Variants in CCSER1 observed in about 807,000 individuals in gnomAD.
CCSER1 encodes coiled-coil serine rich protein 1.
Under a neutral mutation model 82.0 loss-of-function variants are expected in CCSER1, and 41 were observed. The ratio of observed to expected loss-of-function variants is 0.50; its 90% CI spans 0.39 to 0.65. The LOEUF is 0.65. Ranked by LOEUF, CCSER1 falls within the 30% of genes least tolerant of loss-of-function variation. The probability of loss-of-function intolerance (pLI) is 0.00; values close to 1 mark genes in which losing one functional copy is unlikely to be tolerated. For missense variants in CCSER1, 1,119 were observed against 1,064.2 expected (o/e 1.05, Z -0.72); for synonymous variants, 414 against 383.9 (o/e 1.08, Z -0.92).
chr4:90,741,812 A>T (rs1308188609), intron 7 of CCSER1, among the ~76,000 whole-genome samples: 1 of 152,246 alleles, frequency 6.6e-6, no homozygotes, highest in Non-Finnish European at 1.5e-5. Context: ...GACCGTGAAT[A>T]TGAGAAGCTA....
intron 10 of CCSER1, among the ~76,000 whole-genome samples, chr4:91,241,356 T>C (rs1403843701): frequency 6.8e-6 from 1 of 146,522 alleles, no homozygotes; most frequent in Non-Finnish European, 1.5e-5. Context: ...GACGGAGTCT[T>C]GCTCTGTCGC....
chr4:90,711,849 A>C (rs1740669564), intron 6 of CCSER1, among the ~76,000 whole-genome samples: 1 of 151,846 alleles, frequency 6.6e-6, no homozygotes. Context: ...CATAGAATGA[A>C]CTAGGGAGAA....
intron 10 of CCSER1, among the ~76,000 whole-genome samples, chr4:91,249,931 A>C (rs1581842358): frequency 6.8e-6 from 1 of 147,974 alleles, no homozygotes; most frequent in South Asian, 2.1e-4. Context: ...GGGAAAGAAA[A>C]GATTGTAGTC....
chr4:91,346,223 GCCAGGATGGTCTCGA>G (rs1748047450), intron 10 of CCSER1, among the ~76,000 whole-genome samples: 1 of 151,994 alleles, frequency 6.6e-6, no homozygotes, highest in Non-Finnish European at 1.5e-5. Context: ...CACCATGTTG[GCCAGGATGGTCTCGA>G]CCTCTTGACC....
chr4:90,832,722 G>A (rs555311562), intron 8 of CCSER1, among the ~76,000 whole-genome samples: 6 of 152,116 alleles, frequency 3.9e-5, no homozygotes, highest in Non-Finnish European at 8.8e-5. Flanking sequence ...ATGCTGACAA[G>A]GCCAGTCTTT....
chr4:90,498,212 A>G (rs1769320172), intron 5 of CCSER1, among the ~76,000 whole-genome samples: 1 of 152,164 alleles, frequency 6.6e-6, no homozygotes, highest in African/African-American at 2.4e-5. Flanking sequence ...ACAGTTGGAG[A>G]TTGACAACAA....
chr4:90,417,432 T>G (rs929294332), intron 4 of CCSER1, among the ~76,000 whole-genome samples: 2 of 152,052 alleles, frequency 1.3e-5, no homozygotes, highest in Non-Finnish European at 2.9e-5. Flanking sequence ...TACTTTGTAT[T>G]AAGGTTGATA....
chr4:91,078,347 A>G (rs970432089), intron 9 of CCSER1, among the ~76,000 whole-genome samples: 1 of 152,182 alleles, frequency 6.6e-6, no homozygotes, highest in Non-Finnish European at 1.5e-5. Context: ...ACTCCAACAG[A>G]CCTGCAGCTG....
At chr4:90,540,065 CA>C (rs1560686409) in intron 5 of CCSER1, among the ~76,000 whole-genome samples, 1 of 152,026 alleles carries the variant, frequency 6.6e-6, no homozygotes, top group African/African-American at 2.4e-5. Flanking sequence ...TTAGTTTGTG[CA>C]GTTAGATTTT....
At chr4:91,549,526 A>G (rs1762059616) in intron 10 of CCSER1, among the ~76,000 whole-genome samples, 1 of 151,894 alleles carries the variant, frequency 6.6e-6, no homozygotes, top group Admixed American at 6.6e-5. Context: ...GCATTCAATC[A>G]TACTATTATT....
chr4:90,689,301 A>G (rs972170401), intron 6 of CCSER1, among the ~76,000 whole-genome samples: 2 of 152,104 alleles, frequency 1.3e-5, no homozygotes, highest in African/African-American at 2.4e-5. Flanking sequence ...GCTCTTGGGC[A>G]TTCAGTAGGT....
At chr4:90,671,544 C>A (rs1262138201) in intron 6 of CCSER1, among the ~76,000 whole-genome samples, 2 of 152,006 alleles carry the variant, frequency 1.3e-5, no homozygotes, top group Non-Finnish European at 2.9e-5. Flanking sequence ...AATTCTGGTT[C>A]TTTTGTTATA....
chr4:90,300,146 T>C (rs1367444966), intron 1 of CCSER1, among the ~76,000 whole-genome samples: 2 of 152,184 alleles, frequency 1.3e-5, no homozygotes, highest in Admixed American at 6.6e-5. Flanking sequence ...ATTGATAATT[T>C]GTTTTCAAAT....
intron 10 of CCSER1, among the ~76,000 whole-genome samples, chr4:91,241,878 T>C (rs1739394159): frequency 6.6e-6 from 1 of 152,130 alleles, no homozygotes; most frequent in South Asian, 2.1e-4. Flanking sequence ...AAATGCTTAA[T>C]CCATAACACC....
chr4:91,515,440 T>C (rs962176752), intron 10 of CCSER1, among the ~76,000 whole-genome samples: 3 of 152,152 alleles, frequency 2.0e-5, no homozygotes, highest in Non-Finnish European at 4.4e-5. Flanking sequence ...CTCCCACTTA[T>C]AAGGACAACA....
intron 5 of CCSER1, among the ~76,000 whole-genome samples, chr4:90,511,493 A>T (rs28478467): frequency 6.6e-6 from 1 of 152,296 alleles, no homozygotes; most frequent in East Asian, 1.9e-4. Context: ...TGCTATTCGA[A>T]TGAGTTCAGA....
At chr4:90,778,013 T>A (rs1244991090) in intron 7 of CCSER1, among the ~76,000 whole-genome samples, 2 of 151,232 alleles carry the variant, frequency 1.3e-5, no homozygotes, top group Non-Finnish European at 2.9e-5. Flanking sequence ...GTGTTCCTTT[T>A]CAAAAAAAAA....
intron 7 of CCSER1, among the ~76,000 whole-genome samples, chr4:90,796,300 A>ATT (rs144807211): frequency 2.1e-5 from 3 of 144,832 alleles, no homozygotes; most frequent in East Asian, 2.0e-4. Flanking sequence ...TAATATTTTG[A>ATT]TTTTTTTTTG....
At chr4:90,313,202 A>T in intron 3 of CCSER1, 155 bp downstream of exon 3, 2 of 641,356 alleles carry the variant, frequency 3.1e-6, no homozygotes, top group South Asian at 4.1e-5. Context: ...TCAGAGAAAC[A>T]AATTTTTCAC....
Sources: allele counts gnomAD v4.1 joint callset (sites outside exome capture counted in the v4.1 genomes callset), GRCh38; gene constraint gnomAD v4.1.1; transcripts MANE v1.5; gene names NCBI Gene and HGNC (gene_info 2026-07-23, HGNC 2026-07-21).